Variants in KCNH7 observed in about 807,000 individuals in gnomAD.
KCNH7 encodes potassium voltage-gated channel subfamily H member 7.
KCNH7 carries 49 observed loss-of-function variants against 120.8 expected under a neutral mutation model. The observed-to-expected ratio is 0.41, with a 90% CI of 0.32 to 0.51. The LOEUF (loss-of-function observed/expected upper bound fraction) is 0.51. Ranked by LOEUF, KCNH7 falls within the 20% of genes least tolerant of loss-of-function variation. The probability of loss-of-function intolerance (pLI) is 0.38; values close to 1 mark genes in which losing one functional copy is unlikely to be tolerated. For missense variants in KCNH7, 1,097 were observed against 1,446.6 expected, an observed-to-expected ratio of 0.76 and a Z score of 3.92; for synonymous variants, 547 against 516.1, an observed-to-expected ratio of 1.06 and a Z score of -0.81.
At chr2:162,447,505 G>A (rs1016014638) in intron 6 of KCNH7, among the ~76,000 whole-genome samples, 5 of 151,988 alleles carry the variant, frequency 3.3e-5, no homozygotes, top group African/African-American at 1.2e-4. Context: ...GGGAAATGTG[G>A]GTTCTAATTT....
intron 6 of KCNH7, among the ~76,000 whole-genome samples, chr2:162,470,276 G>A (rs1171609917): frequency 6.6e-5 from 10 of 151,490 alleles, no homozygotes; most frequent in East Asian, 2.0e-4. Context: ...GTCTCTGCCC[G>A]CCCGCCCATC....
At chr2:162,645,249 G>A (rs189660153) in intron 2 of KCNH7, among the ~76,000 whole-genome samples, 16 of 152,238 alleles carry the variant, frequency 1.1e-4, no homozygotes, top group Admixed American at 2.0e-4. Flanking sequence ...CCGGGTTCAA[G>A]TGATTCTCTT....
intron 2 of KCNH7, among the ~76,000 whole-genome samples, chr2:162,675,905 GAATT>G (rs772817790): frequency 2.4e-4 from 36 of 151,394 alleles, no homozygotes; most frequent in Non-Finnish European, 5.0e-4. Flanking sequence ...CAAAATATTA[GAATT>G]AATAGTGTAT....
chr2:162,697,572 G>T (rs1305688634), intron 2 of KCNH7, among the ~76,000 whole-genome samples: 1 of 152,010 alleles, frequency 6.6e-6, no homozygotes, highest in Non-Finnish European at 1.5e-5. Context: ...GAAAGAGAAG[G>T]GAAGGAAGGG....
intron 6 of KCNH7, among the ~76,000 whole-genome samples, chr2:162,470,565 G>A (rs1322015051): frequency 6.6e-6 from 1 of 152,106 alleles, no homozygotes; most frequent in Non-Finnish European, 1.5e-5. Context: ...CACCCCGTCC[G>A]GGAGGGAGGT....
intron 6 of KCNH7, among the ~76,000 whole-genome samples, chr2:162,493,647 G>A (rs942441328): frequency 6.6e-5 from 10 of 152,120 alleles, no homozygotes; most frequent in Non-Finnish European, 1.0e-4. Context: ...TCTGTGCCTA[G>A]TACATAATTA....
rs1574099263 is a variant in KCNH7, at chr2:162,557,963, AG to A, written c.308-20884del. Among the ~76,000 whole-genome samples, 5 of 152,312 alleles carry A rather than the reference AG, an allele frequency of 3.3e-5. No homozygotes were observed. In the East Asian group the frequency reaches 9.7e-4, roughly 29 times the overall value. The stretch of plus-strand genomic sequence containing the variant: ...TGTTAATCTTCAAAGTTAATAAAAG[AG>A]GGAAGATAATCCTTTCTATATAAGT... On this transcript the variant is annotated intron_variant, in intron 2 of 15. Coordinates refer to ENST00000332142, the MANE Select transcript of KCNH7 (RefSeq NM_033272.4).
intron 2 of KCNH7, among the ~76,000 whole-genome samples, chr2:162,698,750 T>A (rs998855570): frequency 2.0e-5 from 3 of 152,068 alleles, no homozygotes; most frequent in Non-Finnish European, 4.4e-5. Context: ...AAGATAAACA[T>A]CATGGGACTA....
At chr2:162,516,489 A>T (rs1691302375) in intron 4 of KCNH7, among the ~76,000 whole-genome samples, 1 of 151,752 alleles carries the variant, frequency 6.6e-6, no homozygotes, top group African/African-American at 2.4e-5. Flanking sequence ...TGTAGAATAG[A>T]GTATGTAATA....
At chr2:162,421,053 A>T (rs555508149) in intron 9 of KCNH7, among the ~76,000 whole-genome samples, 2 of 152,212 alleles carry the variant, frequency 1.3e-5, no homozygotes, top group South Asian at 4.1e-4. Flanking sequence ...CTGAGTGTTC[A>T]GAGTTATCTT....
chr2:162,585,504 T>A (rs1005887429), intron 2 of KCNH7, among the ~76,000 whole-genome samples: 3 of 152,100 alleles, frequency 2.0e-5, no homozygotes, highest in Non-Finnish European at 4.4e-5. Flanking sequence ...CAAACTGGGA[T>A]ACATCTAATC....
At chr2:162,791,433 A>G (rs1683939113) in intron 2 of KCNH7, among the ~76,000 whole-genome samples, 1 of 151,828 alleles carries the variant, frequency 6.6e-6, no homozygotes, top group Non-Finnish European at 1.5e-5. Context: ...ATGTTTTTCT[A>G]TCTGTTTGTG....
At chr2:162,775,421 A>G (rs1260050426) in intron 2 of KCNH7, among the ~76,000 whole-genome samples, 2 of 152,106 alleles carry the variant, frequency 1.3e-5, no homozygotes, top group African/African-American at 2.4e-5. Flanking sequence ...TTACCCTTTG[A>G]GGAGGCATTG....
At chr2:162,584,035 A>G (rs1047084483) in intron 2 of KCNH7, among the ~76,000 whole-genome samples, 2 of 152,160 alleles carry the variant, frequency 1.3e-5, no homozygotes, top group Non-Finnish European at 2.9e-5. Context: ...AGTAAAATAT[A>G]TAGATAAAAG....
Position 162,384,831 on chromosome 2 carries a change from G to A in KCNH7, c.2819C>T (p.Ser940Phe). The A allele has an allele frequency of 6.2e-7, 1 of 1,612,802 alleles. No individual in the cohort carries two copies. Among genetic ancestry groups the A allele is most frequent in the Non-Finnish European group, 8.5e-7 (1 of 1,179,086 alleles). The change falls in exon 13 of 16, where the codon TCC becomes TTC. Residue 940 changes from serine (S) to phenylalanine (F), a missense_variant. Ser to Phe is a radical substitution (Grantham distance 155). Around this residue, in one of 8 missense-constraint regions of KCNH7, gnomAD observed 406 missense variants for 410.5 expected, o/e 0.99. Transcript: ENST00000332142. Reference sequence around the variant, plus strand: ...GAGCGGCTTTTGTTCATCATCAATGGAGGAGATGAAAGATGAGGATCTGCT... The same window carrying A: ...GAGCGGCTTTTGTTCATCATCAATGAAGGAGATGAAAGATGAGGATCTGCT... ...KKSRSSSFISSIDDEQKPLFS... is the reference protein window; with the variant it reads ...KKSRSSSFISFIDDEQKPLFS...
rs369403949 is a variant in KCNH7, at chr2:162,415,918, T to C, written c.2154+7418A>G. On this transcript the variant is annotated intron_variant, in intron 9 of 15. Coordinates refer to ENST00000332142, the MANE Select transcript of KCNH7 (RefSeq NM_033272.4). Reference sequence around the variant, plus strand: ...CAAGAATGTCTCCACCCATGATTTCTCTAGGCCAGCCTATATATTTTTGTT... The same window carrying C: ...CAAGAATGTCTCCACCCATGATTTCCCTAGGCCAGCCTATATATTTTTGTT... Among the ~76,000 whole-genome samples the C allele has an allele frequency of 2.0e-5, 3 of 152,322 alleles. No homozygotes were observed. The East Asian group carries it at 5.8e-4, about 29-fold the overall frequency.
intron 13 of KCNH7, among the ~76,000 whole-genome samples, chr2:162,381,061 A>G (rs1686401403): frequency 6.6e-6 from 1 of 152,126 alleles, no homozygotes; most frequent in African/African-American, 2.4e-5. Flanking sequence ...ACTTATGAAA[A>G]AATACAACTG....
intron 2 of KCNH7, among the ~76,000 whole-genome samples, chr2:162,585,801 A>G (rs950449231): frequency 8.6e-5 from 13 of 151,982 alleles, no homozygotes; most frequent in African/African-American, 3.1e-4. Context: ...GCAAATAAGA[A>G]TAGTGTTGGA....
chr2:162,727,325 A>C (rs1284649448), intron 2 of KCNH7, among the ~76,000 whole-genome samples: 1 of 152,224 alleles, frequency 6.6e-6, no homozygotes, highest in Non-Finnish European at 1.5e-5. Flanking sequence ...GATGTATAAC[A>C]AAATTATTTC....
Sources: gnomAD v4.1 joint callset for allele counts (sites outside exome capture counted in the v4.1 genomes callset) on GRCh38, gnomAD v4.1.1 for gene constraint, gnomAD v4.1.1 regional missense constraint, MANE v1.5 for transcripts, NCBI Gene and HGNC (gene_info 2026-07-23, HGNC 2026-07-21) for gene names.